The following FRMD4B variants were observed in gnomAD, a reference collection of about 807,000 sequenced individuals.
FRMD4B encodes FERM domain containing 4B, also known as FERM domain-containing protein 4B.
Under a neutral mutation model 141.5 loss-of-function variants are expected in FRMD4B, and 74 were observed. That is an observed-to-expected ratio of 0.52 (90% CI 0.43 to 0.63). The LOEUF (loss-of-function observed/expected upper bound fraction) is 0.63, where lower values mean the gene tolerates loss of function less well. Ranked by LOEUF, FRMD4B falls within the 30% of genes least tolerant of loss-of-function variation. The probability of loss-of-function intolerance (pLI) is 0.00; values close to 1 mark genes in which losing one functional copy is unlikely to be tolerated. For missense variants in FRMD4B, 1,366 were observed against 1,253.4 expected (o/e 1.09, Z -1.36); for synonymous variants, 506 against 467.9 (o/e 1.08, Z -1.05).
chr3:69,239,178 TCA>T (rs575964935), intron 7 of FRMD4B, among the ~76,000 whole-genome samples: 29 of 152,284 alleles, frequency 1.9e-4, no homozygotes, highest in African/African-American at 5.8e-4. Context: ...GCCTAGAAAC[TCA>T]CTTTTCCAAC....
intron 1 of FRMD4B, among the ~76,000 whole-genome samples, chr3:69,440,138 T>C (rs1241483833): frequency 1.3e-5 from 2 of 152,240 alleles, no homozygotes; most frequent in African/African-American, 4.8e-5. Flanking sequence ...TTATAAAATC[T>C]ACTTTATTCT....
intron 1 of FRMD4B, among the ~76,000 whole-genome samples, chr3:69,359,176 G>A (rs35722018): frequency 6.6e-6 from 1 of 152,162 alleles, no homozygotes; most frequent in Non-Finnish European, 1.5e-5. Flanking sequence ...ATTCATAAAT[G>A]AGGTAATTTC....
intron 7 of FRMD4B, among the ~76,000 whole-genome samples, chr3:69,244,731 T>C (rs1405459311): frequency 6.6e-6 from 1 of 151,598 alleles, no homozygotes; most frequent in Non-Finnish European, 1.5e-5. Context: ...TTGTCTCTAC[T>C]AAAAATACAA....
At chr3:69,472,592 A>G (rs372805760) in intron 1 of FRMD4B, 12 of 203,734 alleles carry the variant, frequency 5.9e-5, no homozygotes, top group Admixed American at 1.7e-4. Context: ...ATGCACCACA[A>G]TGTAGCAGTG....
chr3:69,540,664 C>CAT (rs1184914164), intron 1 of FRMD4B, among the ~76,000 whole-genome samples: 1 of 85,744 alleles, frequency 1.2e-5, no homozygotes, highest in Admixed American at 1.2e-4. Flanking sequence ...TATATATACA[C>CAT]ACACACACAC....
rs76121122 is a variant in FRMD4B at position 69,469,768 on chromosome 3, G to A, written c.-128-37007C>T. On this transcript the variant is annotated intron_variant, in intron 1 of 5. Transcript: ENST00000459638. Reference sequence around the variant, plus strand: ...AGTATTCTACAGCCCAGCTGAAATGGCTGTTGATAAAGGTTTTATATAGTT... The same window carrying A: ...AGTATTCTACAGCCCAGCTGAAATGACTGTTGATAAAGGTTTTATATAGTT... Among the ~76,000 whole-genome samples, 712 of 152,292 alleles carry A rather than the reference G, an allele frequency of 4.7e-3. 27 individuals are homozygous for A. The East Asian group carries it at 0.098, about 21-fold the overall frequency.
chr3:69,301,494 T>G (rs1337779996), intron 4 of FRMD4B, among the ~76,000 whole-genome samples: 1 of 151,970 alleles, frequency 6.6e-6, no homozygotes, highest in Non-Finnish European at 1.5e-5. Flanking sequence ...TCAGCTAATT[T>G]TTTTTGTGTA....
chr3:69,235,397 T>C (rs911020817), intron 7 of FRMD4B, among the ~76,000 whole-genome samples: 1 of 151,788 alleles, frequency 6.6e-6, no homozygotes, highest in South Asian at 2.1e-4. Context: ...CAGTGACTCA[T>C]GCCTGTAATC....
chr3:69,262,049 C>T (rs901790785), intron 5 of FRMD4B, among the ~76,000 whole-genome samples: 2 of 152,070 alleles, frequency 1.3e-5, no homozygotes, highest in Non-Finnish European at 2.9e-5. Context: ...TCACTGCAAC[C>T]ACTGCCTCCC....
At chr3:69,215,282 C>CCCT (rs2093128456) in intron 11 of FRMD4B, among the ~76,000 whole-genome samples, 2 of 37,470 alleles carry the variant, frequency 5.3e-5, no homozygotes, top group Non-Finnish European at 7.5e-5. Context: ...GATTGTGACC[C>CCCT]TCTTTTTTTT....
At chr3:69,237,662 G>A (rs2093354252) in intron 7 of FRMD4B, among the ~76,000 whole-genome samples, 2 of 152,152 alleles carry the variant, frequency 1.3e-5, no homozygotes, top group African/African-American at 4.8e-5. Context: ...ACCATCTCTG[G>A]TCCCCAGCTT....
intron 1 of FRMD4B, among the ~76,000 whole-genome samples, chr3:69,366,823 G>T (rs1703678770): frequency 1.3e-5 from 2 of 151,762 alleles, no homozygotes; most frequent in South Asian, 2.1e-4. Context: ...AGGCTGGAGT[G>T]CAGTGGGATG....
chr3:69,467,479 G>A (rs918303993), intron 1 of FRMD4B, among the ~76,000 whole-genome samples: 4 of 152,134 alleles, frequency 2.6e-5, no homozygotes, highest in African/African-American at 7.2e-5. Flanking sequence ...AAATTGTTTC[G>A]CTCACTGTAG....
chr3:69,341,621 C>A (rs1402958635), intron 1 of FRMD4B, among the ~76,000 whole-genome samples: 2 of 152,168 alleles, frequency 1.3e-5, no homozygotes, highest in South Asian at 4.1e-4. Context: ...AACCTTGTTT[C>A]TTGGGCATTG....
chr3:69,242,525 T>G, intron 7 of FRMD4B, among the ~76,000 whole-genome samples: 1 of 105,962 alleles, frequency 9.4e-6, no homozygotes, highest in East Asian at 3.0e-4. Flanking sequence ...TTTTTTTTTG[T>G]AGCACAGCTG....
At chr3:69,463,339 G>T (rs1293946415) in intron 1 of FRMD4B, among the ~76,000 whole-genome samples, 1 of 152,160 alleles carries the variant, frequency 6.6e-6, no homozygotes, top group Non-Finnish European at 1.5e-5. Context: ...CCTGGGTGAG[G>T]ACTTACCTCT....
At chr3:69,252,419 C>A (rs1252443068) in intron 5 of FRMD4B, among the ~76,000 whole-genome samples, 1 of 152,136 alleles carries the variant, frequency 6.6e-6, no homozygotes, top group Non-Finnish European at 1.5e-5. Flanking sequence ...TGGGCTCTAG[C>A]AAAATCTTGT....
chr3:69,207,707 C>G lies in FRMD4B; in HGVS notation c.876+8556G>C, dbSNP rs191920322. Among the ~76,000 whole-genome samples the G allele has an allele frequency of 4.0e-5, 6 of 151,602 alleles. No homozygotes were observed. In the East Asian group the frequency reaches 1.2e-3, roughly 30 times the overall value. ...CCTATACTCCCAGCTACTCGGGAGG[C>G]TGAGGCAGGAGAATCACTTGAACTT... On this transcript the variant is annotated intron_variant, in intron 11 of 22. Transcript: ENST00000398540.
chr3:69,347,746 G>A lies in FRMD4B; in HGVS notation c.163-34229C>T, dbSNP rs909238811. The stretch of plus-strand genomic sequence containing the variant: ...CCTGAAAGACTACTGGGTACATAAT[G>A]AAATGAAGGCAGAAATAAAGATGTT... On this transcript the variant is annotated intron_variant, in intron 1 of 22. Transcript: ENST00000398540. Among the ~76,000 whole-genome samples, 3 of 152,164 alleles carry A rather than the reference G, an allele frequency of 2.0e-5. No individual in the cohort carries two copies. The East Asian group carries it at 5.8e-4, about 29-fold the overall frequency.
Sources: allele counts gnomAD v4.1 joint callset (sites outside exome capture counted in the v4.1 genomes callset), GRCh38; gene constraint gnomAD v4.1.1; transcripts MANE v1.5; gene names NCBI Gene and HGNC (gene_info 2026-07-23, HGNC 2026-07-21).